LRRC71: variants seen among roughly 807,000 people sequenced by gnomAD.
LRRC71 encodes leucine-rich repeat-containing protein 71.
LRRC71 carries 54 observed loss-of-function variants against 66.6 expected under a neutral mutation model. The ratio of observed to expected loss-of-function variants is 0.81; its 90% confidence interval spans 0.65 to 1.02. The LOEUF (loss-of-function observed/expected upper bound fraction) is 1.02. Among genes scored for constraint, LRRC71 ranks in the 50% least tolerant of loss-of-function variants. The probability of loss-of-function intolerance (pLI) is 0.00; values close to 1 mark genes in which losing one functional copy is unlikely to be tolerated. For synonymous variants in LRRC71, 323 were observed against 303.9 expected (o/e 1.06, Z -0.65); for missense variants, 724 against 718.0 (o/e 1.01, Z -0.10).
At position 156,929,254 on chromosome 1, in the gene LRRC71, C is replaced by T. The variant is rs200050190; in HGVS notation, c.997-26C>T. 8 of 1,581,890 alleles carry T rather than the reference C, an allele frequency of 5.1e-6. No homozygotes were observed. The African/African-American group carries it at 9.4e-5, about 19-fold the overall frequency. On this transcript the variant is annotated intron_variant, in intron 9 of 14. Transcript: ENST00000337428. Reference sequence around the variant, plus strand: ...GAGGAAGGGGCTCTGGCTTCTTCCCCCCTTCCCTCCCATTTGTGAGCACAG... The same window carrying T: ...GAGGAAGGGGCTCTGGCTTCTTCCCTCCTTCCCTCCCATTTGTGAGCACAG...
downstream of LRRC71, chr1:156,937,338 T>A (rs1228288756): frequency 3.1e-6 from 5 of 1,613,508 alleles, no homozygotes; most frequent in Admixed American, 1.7e-5. Flanking sequence ...GGAGAGCGGC[T>A]GGGGCGTCTT....
chr1:156,933,738 C>T (rs1450881757), downstream of LRRC71, among the ~76,000 whole-genome samples: 1 of 152,228 alleles, frequency 6.6e-6, no homozygotes, highest in Non-Finnish European at 1.5e-5. Flanking sequence ...CCAGAGAGCA[C>T]AGGACTGGCT....
At chr1:156,924,231 G>A in intron 2 of LRRC71, 133 bp downstream of exon 2, 4 of 1,227,138 alleles carry the variant, frequency 3.3e-6, no homozygotes, top group Non-Finnish European at 3.4e-6. Flanking sequence ...CGACGAGGCC[G>A]GTGGGGAGGT....
At chr1:156,937,309 C>A, downstream of LRRC71, 1 of 1,613,932 alleles carries the variant, frequency 6.2e-7, no homozygotes, top group East Asian at 2.2e-5. Flanking sequence ...TGCCCACGTC[C>A]CTGAGGGCCA....
chr1:156,937,637 G>A, downstream of LRRC71: 2 of 873,958 alleles, frequency 2.3e-6, no homozygotes, highest in Non-Finnish European at 3.4e-6. Flanking sequence ...CGTGGGCCTT[G>A]CTCACTGTCT....
chr1:156,927,342 C>A, intron 6 of LRRC71, 72 bp downstream of exon 6: 2 of 1,566,428 alleles, frequency 1.3e-6, no homozygotes, highest in Non-Finnish European at 8.8e-7. Flanking sequence ...AGTCCCCGCC[C>A]TTCCTTGTCC....
At position 156,927,933 on chromosome 1, in the gene LRRC71, C is replaced by G; in HGVS notation, c.925C>G (p.Leu309Val). The change falls in exon 9 of 15, where the codon CTG (leucine) becomes GTG (valine). Residue 309 changes from leucine (L) to valine (V), a missense_variant. Physicochemically the swap from Leu to Val is conservative, Grantham distance 32. Transcript: ENST00000337428. ...KLAEVLRAFE[L>V]THTEVVERRR... ...CCTTCAGGTCCTGCGCGCCTTCGAG[C>G]TGACACACACCGAAGTGGTGGAGCG... 1.9e-6 allele frequency: 3 copies of G among 1,612,156 alleles called. No individual in the cohort carries two copies. In the South Asian group the frequency reaches 3.3e-5, roughly 18 times the overall value.
the LRRC71 span, chr1:156,939,286 C>A: frequency 2.0e-6 from 1 of 508,710 alleles, no homozygotes; most frequent in African/African-American, 1.9e-5. Flanking sequence ...TCCTTATGTG[C>A]TATAAAACAA....
Position 156,927,746 on chromosome 1 carries a change from A to T in LRRC71, c.836A>T (p.Asn279Ile). Residue 279 changes from asparagine to isoleucine, a missense_variant, in exon 8 of 15, where the codon AAC becomes ATC. By Grantham distance (149) the Asn-to-Ile change is moderately radical. Transcript: ENST00000337428. ...CCCGCCTCTTAGGGCCTCCGGCTGA[A>T]CCGTTCCCTGCTCTGGCTGTCCCTG... ...AGYIADGLRLNRSLLWLSLAH... is the reference protein window; with the variant it reads ...AGYIADGLRLIRSLLWLSLAH... The T allele has an allele frequency of 6.2e-7, 1 of 1,610,308 alleles. No homozygotes were observed. The highest frequency in any genetic ancestry group is 8.5e-7 in the Non-Finnish European group (1 of 1,179,720).
At chr1:156,929,589 C>A in intron 10 of LRRC71, 47 bp from the exon 11 acceptor site, 3 of 1,546,396 alleles carry the variant, frequency 1.9e-6, no homozygotes, top group Non-Finnish European at 2.6e-6. Context: ...CACTGCCCAT[C>A]CCCTCCGGAG....
rs1359817424 is a variant in LRRC71, at chr1:156,929,640, T to C, written c.1151T>C (p.Leu384Ser). 1.1e-5 allele frequency: 17 copies of C among 1,583,600 alleles called. No homozygotes were observed. Among genetic ancestry groups the C allele is most frequent in the Non-Finnish European group, 1.5e-5 (17 of 1,164,994 alleles). ...CTCTTCTCACATTCTCCACAGGAATTGGCCAAGAAAGAGGAGAAGTTGGGG... is the reference window on the plus strand; with the variant it reads ...CTCTTCTCACATTCTCCACAGGAATCGGCCAAGAAAGAGGAGAAGTTGGGG... ...LGKKKEKSWE[L>S]AKKEEKLGSG... is the part of the protein sequence containing the mutation. Residue 384 changes from leucine to serine, a missense_variant, in exon 11 of 15, where the codon TTG (leucine) becomes TCG (serine). By Grantham distance (145) the Leu-to-Ser change is moderately radical. Coordinates refer to ENST00000337428, the MANE Select transcript of LRRC71 (RefSeq NM_144702.3).
rs1654619100 is a variant in LRRC71, at chr1:156,932,968, A to G, written c.1679A>G (p.Ter560TrpextTer?). The change falls in exon 15 of 15, where the codon TAG becomes TGG. Residue 560 changes from the stop codon to tryptophan, a stop_lost. Coordinates refer to ENST00000337428, the MANE Select transcript of LRRC71 (RefSeq NM_144702.3). ...REDEAMAFFP[*>W] ...GATGAGGCCATGGCATTCTTCCCCTAGCCCCCTCCCACCTGCTTGCCTCTA... is the reference window on the plus strand; with the variant it reads ...GATGAGGCCATGGCATTCTTCCCCTGGCCCCCTCCCACCTGCTTGCCTCTA... 6.4e-7 allele frequency: 1 copy of G among 1,560,928 alleles called. No homozygotes were observed. Among genetic ancestry groups the G allele is most frequent in the Admixed American group, 1.9e-5 (1 of 52,382 alleles).
intron 9 of LRRC71, among the ~76,000 whole-genome samples, chr1:156,928,395 CTT>C (rs1653638254): frequency 7.2e-6 from 1 of 139,834 alleles, no homozygotes. Context: ...TCTTCTTCTT[CTT>C]CTTCTTCTTC....
chr1:156,920,856 G>C lies in LRRC71; in HGVS notation c.53G>C (p.Gly18Ala). Reference sequence around the variant, plus strand: ...GCCTCACCCAGGGCCCCGCGTCCGGGGACCCAGAAGTCTTCTGGCGCGGTG... The same window carrying C: ...GCCTCACCCAGGGCCCCGCGTCCGGCGACCCAGAAGTCTTCTGGCGCGGTG... ...PGASPRAPRP[G>A]TQKSSGAVTK... Residue 18 changes from glycine (G) to alanine (A), a missense_variant, in exon 1 of 15, where the codon GGG becomes GCG. Transcript: ENST00000337428. The surrounding 1 kb of genome is among the most constrained non-coding windows in gnomAD (Gnocchi z 4.9). The C allele has an allele frequency of 1.3e-6, 2 of 1,538,482 alleles. No homozygotes were observed. The highest frequency in any genetic ancestry group is 1.8e-6 in the Non-Finnish European group (2 of 1,141,040).
chr1:156,925,858 G>A (rs1351695188), intron 5 of LRRC71, among the ~76,000 whole-genome samples: 1 of 152,242 alleles, frequency 6.6e-6, no homozygotes, highest in Non-Finnish European at 1.5e-5. Flanking sequence ...AGCACTCTGT[G>A]TAAAACACCA....
chr1:156,924,944 GA>G lies in LRRC71; in HGVS notation c.524del (p.Lys175ArgfsTer4), dbSNP rs1652972074. 2 of 1,551,718 alleles carry G rather than the reference GA, an allele frequency of 1.3e-6. No homozygotes were observed. The highest frequency in any genetic ancestry group is 4.9e-5 in the East Asian group (2 of 40,914). Reference sequence around the variant, plus strand: ...CACTTCCCGCCCACGACAGCTTGTGGAAGGTGGGGCTGACCGATAAGACCCT... The same window carrying G: ...CACTTCCCGCCCACGACAGCTTGTGGAGGTGGGGCTGACCGATAAGACCCT... ...LTQLQAINLWKVGLTDKTLTT... is the reference protein window; with the variant it reads ...LTQLQAINLWXVGLTDKTLTT... On this transcript the variant is annotated frameshift_variant, in exon 5 of 15. Coordinates refer to ENST00000337428, the MANE Select transcript of LRRC71 (RefSeq NM_144702.3). LOFTEE classifies it high-confidence loss of function.
chr1:156,937,473 G>T, downstream of LRRC71: 1 of 1,531,256 alleles, frequency 6.5e-7, no homozygotes, highest in South Asian at 1.3e-5. Flanking sequence ...GGTCCTGATG[G>T]CATGCTGACA....
intron 11 of LRRC71, among the ~76,000 whole-genome samples, 192 bp from the exon 12 acceptor site, chr1:156,930,337 C>T (rs143968626): frequency 0.014 from 2,068 of 151,828 alleles, 18 homozygotes; most frequent in Non-Finnish European, 0.019. Flanking sequence ...AGGAGATCCT[C>T]CTGCTTCGGC....
At chr1:156,939,252 G>A in the LRRC71 span, 38 of 400,570 alleles carry the variant, frequency 9.5e-5, no homozygotes, top group East Asian at 2.2e-3. Flanking sequence ...CTGGTAGTTG[G>A]TTTGTGCCAG....
Sources: gnomAD v4.1 joint callset for allele counts (sites outside exome capture counted in the v4.1 genomes callset) on GRCh38, gnomAD v4.1.1 for gene constraint, Gnocchi (gnomAD v3.1) non-coding constraint, MANE v1.5 for transcripts, NCBI Gene and HGNC (gene_info 2026-07-23, HGNC 2026-07-21) for gene names.